The following SAFB variants were observed in gnomAD, a reference collection of about 807,000 sequenced individuals.
SAFB encodes scaffold attachment factor B1.
A neutral mutation model predicts 101.6 loss-of-function variants in SAFB; 15 were observed. The ratio of observed to expected loss-of-function variants is 0.15; its 90% CI spans 0.10 to 0.23. The LOEUF is 0.23. Ranked by LOEUF, SAFB falls within the 10% of genes least tolerant of loss-of-function variation. The probability of loss-of-function intolerance (pLI) is 1.00; values close to 1 mark genes in which losing one functional copy is unlikely to be tolerated. For synonymous variants in SAFB, 449 were observed against 407.5 expected, an observed-to-expected ratio of 1.10 and a Z score of -1.23; for missense variants, 930 against 1,104.1, an observed-to-expected ratio of 0.84 and a Z score of 2.23.
Position 5,668,315 on chromosome 19 carries a change from C to A in SAFB, c.*24C>A. 1.2e-6 allele frequency: 2 copies of A among 1,604,388 alleles called. No homozygotes were observed. The highest frequency in any genetic ancestry group is 1.7e-6 in the Non-Finnish European group (2 of 1,177,822). ...GAGTACTTGGAATCCTGTGTCCTGT[C>A]TCGTGGCAACAAGGCTATGTTCTGT... On this transcript the variant is annotated 3_prime_UTR_variant, in exon 21 of 21. Transcript: ENST00000588852.
Position 5,642,651 on chromosome 19 carries a change from C to CTTTTTTTTTTTT in SAFB, c.546+720_546+731dup, listed in dbSNP as rs767488519. On this transcript the variant is annotated intron_variant, in intron 4 of 20. Transcript: ENST00000588852. Reference sequence around the variant, plus strand: ...GGCATTGGCATTATGCCCTTCCTTTCTTTTTTTTTTTTTTTTTTTTTTTTT... The same window carrying CTTTTTTTTTTTT: ...GGCATTGGCATTATGCCCTTCCTTTCTTTTTTTTTTTTTTTTTTTTTTTTTTTTTTTTTTTTT... 4.8e-3 allele frequency among the ~76,000 whole-genome samples: 340 copies of CTTTTTTTTTTTT among 70,848 alleles called. 61 individuals are homozygous for CTTTTTTTTTTTT. The highest frequency in any genetic ancestry group is 0.039 in the East Asian group (67 of 1,708). 46.5% of individuals were successfully genotyped at this position (70,848 alleles called of 152,430 possible). A position where few individuals can be genotyped will look rare whatever the true frequency, so the allele number is the denominator to read the frequency against.
intron 1 of SAFB, among the ~76,000 whole-genome samples, chr19:5,624,391 T>C (rs1421690197): frequency 6.6e-6 from 1 of 152,166 alleles, no homozygotes; most frequent in Non-Finnish European, 1.5e-5. Flanking sequence ...CCACGAGTCC[T>C]CATTTGCAGA....
intron 2 of SAFB, among the ~76,000 whole-genome samples, chr19:5,638,162 A>C (rs533196933): frequency 3.9e-5 from 6 of 152,286 alleles, no homozygotes; most frequent in African/African-American, 1.2e-4. Flanking sequence ...AAATGTTATA[A>C]ATCATCAATT....
chr19:5,632,840 C>T (rs143726793), intron 2 of SAFB, among the ~76,000 whole-genome samples: 76 of 152,278 alleles, frequency 5.0e-4, no homozygotes, highest in African/African-American at 1.7e-3. Context: ...TGTGCTCAAG[C>T]GATCCTCCCA....
At chr19:5,634,107 T>A (rs1448854188) in intron 2 of SAFB, among the ~76,000 whole-genome samples, 1 of 152,092 alleles carries the variant, frequency 6.6e-6, no homozygotes, top group African/African-American at 2.4e-5. Flanking sequence ...ATAACATTCT[T>A]AAATAGTAAA....
chr19:5,666,129 C>T (rs2054322762), intron 17 of SAFB: 1 of 152,104 alleles, frequency 6.6e-6, no homozygotes. Context: ...GGTCATGGGG[C>T]AAAAACCCCA....
Position 5,641,677 on chromosome 19 carries a change from G to C in SAFB, c.339+19G>C, listed in dbSNP as rs749549263. On this transcript the variant is annotated intron_variant, in intron 3 of 20. Transcript: ENST00000588852. ...TGGACAGGTATGTGCAGCCTTGCGA[G>C]TGAGTAGCGTGGTGGATGGACCAGT... The C allele has an allele frequency of 6.2e-7, 1 of 1,613,890 alleles. No individual in the cohort carries two copies. Among genetic ancestry groups the C allele is most frequent in the East Asian group, 2.2e-5 (1 of 44,864 alleles).
At chr19:5,642,953 C>T (rs891956720) in intron 4 of SAFB, among the ~76,000 whole-genome samples, 1 of 151,938 alleles carries the variant, frequency 6.6e-6, no homozygotes, top group Non-Finnish European at 1.5e-5. Flanking sequence ...AGGTGTGAGC[C>T]ACCGCGCCCA....
intron 2 of SAFB, among the ~76,000 whole-genome samples, chr19:5,629,177 T>C (rs2053435117): frequency 1.3e-5 from 2 of 152,234 alleles, no homozygotes; most frequent in Admixed American, 1.3e-4. Flanking sequence ...TTAGGCATAC[T>C]TCTCCAGACT....
At chr19:5,640,394 T>A (rs2053681662) in intron 2 of SAFB, among the ~76,000 whole-genome samples, 2 of 126,286 alleles carry the variant, frequency 1.6e-5, no homozygotes, top group Admixed American at 8.7e-5. Context: ...GGAGATGGAG[T>A]CTCGCTCTGT....
At chr19:5,666,122 C>T (rs534745390) in intron 17 of SAFB, 1 of 152,276 alleles carries the variant, frequency 6.6e-6, no homozygotes, top group South Asian at 2.1e-4. Context: ...ACAATGTGGT[C>T]ATGGGGCAAA....
intron 13 of SAFB, 90 bp downstream of exon 13, chr19:5,654,546 G>GA (rs1426613187): frequency 2.4e-6 from 2 of 841,634 alleles, no homozygotes; most frequent in Admixed American, 4.2e-5. Context: ...AGCTTCATTT[G>GA]AAAAAAGCTT....
intron 2 of SAFB, among the ~76,000 whole-genome samples, chr19:5,635,779 G>A (rs781781434): frequency 4.6e-5 from 7 of 152,172 alleles, no homozygotes; most frequent in East Asian, 3.9e-4. Flanking sequence ...CGATAGAGGC[G>A]ATGACGGTCA....
At chr19:5,664,754 T>C (rs2054291421) in intron 17 of SAFB, 2 of 341,480 alleles carry the variant, frequency 5.9e-6, no homozygotes, top group South Asian at 5.3e-5. Flanking sequence ...GGGAAGTGTC[T>C]AGTGAGCCGC....
In SAFB at chr19:5,623,199, C is replaced by T. The variant is rs1370169913; in HGVS notation, c.-7C>T. 4 of 1,577,714 alleles carry T rather than the reference C, an allele frequency of 2.5e-6. No homozygotes were observed. In the Admixed American group the frequency reaches 5.6e-5, roughly 22 times the overall value. ...GGAAAGTGGGCGGCGGAGCCAGGGTCCCTGGAATGGCGGAGACTCTGTCAG... is the reference window on the plus strand; with the variant it reads ...GGAAAGTGGGCGGCGGAGCCAGGGTTCCTGGAATGGCGGAGACTCTGTCAG... On this transcript the variant is annotated 5_prime_UTR_variant, in exon 1 of 21. Transcript: ENST00000588852.
intron 8 of SAFB, 131 bp downstream of exon 8, chr19:5,650,106 CCTT>C (rs1455667590): frequency 1.7e-5 from 12 of 708,400 alleles, no homozygotes; most frequent in African/African-American, 3.6e-5. Context: ...CAGTCTTTCT[CCTT>C]CTCTGCTGTT....
chr19:5,656,750 TTTTTTATTTATTTATTTA>T (rs1226015278), intron 13 of SAFB, among the ~76,000 whole-genome samples: 4 of 151,710 alleles, frequency 2.6e-5, no homozygotes, highest in Admixed American at 1.3e-4. Flanking sequence ...CTAATTTTTA[TTTTTTATTTATTTATTTA>T]TTTTTATTTA....
chr19:5,632,393 A>G (rs2053508905), intron 2 of SAFB, among the ~76,000 whole-genome samples: 1 of 152,214 alleles, frequency 6.6e-6, no homozygotes, highest in African/African-American at 2.4e-5. Flanking sequence ...TGCAAGGCGC[A>G]TATGCCCCTT....
chr19:5,647,535 T>C (rs1568264448), intron 5 of SAFB, among the ~76,000 whole-genome samples: 1 of 152,060 alleles, frequency 6.6e-6, no homozygotes, highest in Non-Finnish European at 1.5e-5. Context: ...GGAGGGTATT[T>C]ACAAAGTTTT....
Sources: gnomAD v4.1 joint callset for allele counts (sites outside exome capture counted in the v4.1 genomes callset) on GRCh38, gnomAD v4.1.1 for gene constraint, MANE v1.5 for transcripts, NCBI Gene and HGNC (gene_info 2026-07-23, HGNC 2026-07-21) for gene names.